ZC3H12B: variants seen among roughly 807,000 people sequenced by gnomAD.
The protein encoded by ZC3H12B is zinc finger CCCH-type containing 12B, also known as probable ribonuclease ZC3H12B.
Under a neutral mutation model 43.9 loss-of-function variants are expected in ZC3H12B, and 7 were observed. That is an observed-to-expected ratio of 0.16 (90% CI 0.09 to 0.30). The LOEUF (loss-of-function observed/expected upper bound fraction) is 0.30. ZC3H12B is among the 10% of genes least tolerant of loss of function. The pLI is 1.00. For synonymous variants in ZC3H12B, 222 were observed against 241.7 expected, an observed-to-expected ratio of 0.92 and a Z score of 0.76; for missense variants, 475 against 670.2, an observed-to-expected ratio of 0.71 and a Z score of 3.22.
the ZC3H12B span, among the ~76,000 whole-genome samples, chrX:65,249,796 A>ATTTTTT: frequency 4.1e-5 from 2 of 48,940 alleles, no homozygotes; most frequent in Non-Finnish European, 7.5e-5. Flanking sequence ...ATTCCTAAGT[A>ATTTTTT]TTTTTTTTTT....
the ZC3H12B span, among the ~76,000 whole-genome samples, chrX:65,316,027 A>T: frequency 8.9e-6 from 1 of 111,857 alleles, no homozygotes; most frequent in Non-Finnish European, 1.9e-5. Context: ...TAATAATATA[A>T]TTGCAAGTAA....
chrX:65,370,168 C>T (rs771740204), intron 2 of ZC3H12B, among the ~76,000 whole-genome samples: 1 of 112,413 alleles, frequency 8.9e-6, no homozygotes, highest in Non-Finnish European at 1.9e-5. Flanking sequence ...TGTTTAGTTA[C>T]AATCTTTAGA....
At chrX:65,217,253 G>A in the ZC3H12B span, among the ~76,000 whole-genome samples, 2 of 112,242 alleles carry the variant, frequency 1.8e-5, no homozygotes, top group Non-Finnish European at 3.8e-5. Flanking sequence ...GGTTCTCCTA[G>A]TGCTGAAATG....
At chrX:65,294,700 AT>A in the ZC3H12B span, among the ~76,000 whole-genome samples, 1 of 111,923 alleles carries the variant, frequency 8.9e-6, no homozygotes, top group Admixed American at 9.5e-5. Context: ...AGGAGTAGCT[AT>A]TTTTATATCA....
chrX:65,452,911 A>G (rs1217757820), intron 3 of ZC3H12B, among the ~76,000 whole-genome samples: 1 of 110,030 alleles, frequency 9.1e-6, no homozygotes, highest in Admixed American at 9.8e-5. Context: ...TCAATATTGT[A>G]AAAATGAACA....
the ZC3H12B span, among the ~76,000 whole-genome samples, chrX:65,147,361 T>C: frequency 5.4e-5 from 6 of 111,435 alleles, no homozygotes; most frequent in Non-Finnish European, 9.4e-5. Flanking sequence ...GAATTGGATC[T>C]TGAGCCTGAA....
the ZC3H12B span, among the ~76,000 whole-genome samples, chrX:65,266,385 G>T: frequency 8.9e-6 from 1 of 111,800 alleles, no homozygotes; most frequent in African/African-American, 3.2e-5. Context: ...CCCTGGCAAA[G>T]CTTTAAAACA....
At chrX:65,289,933 T>G in the ZC3H12B span, among the ~76,000 whole-genome samples, 2 of 110,945 alleles carry the variant, frequency 1.8e-5, no homozygotes, top group Non-Finnish European at 3.8e-5. Flanking sequence ...AAGGGATTTA[T>G]TATCCATCCT....
Position 65,457,612 on chromosome X carries a change from G to A in ZC3H12B, n.408-31034G>A, listed in dbSNP as rs2067648565. On this transcript the variant is annotated intron_variant and non_coding_transcript_variant, in intron 3 of 5. Transcript: ENST00000617377. ...GGGCCATGATGACAATGGCGGTTTT[G>A]TGGAATAGAAAGGCGGGAAGGGTGG... 3.7e-5 allele frequency among the ~76,000 whole-genome samples: 3 copies of A among 80,739 alleles called. No individual in the cohort carries two copies. The Middle Eastern group carries it at 0.016, about 439-fold the overall frequency. 70.1% of individuals were successfully genotyped at this position (80,739 alleles called of 115,157 possible). A position where few individuals can be genotyped will look rare whatever the true frequency, so the allele number is the denominator to read the frequency against.
the ZC3H12B span, among the ~76,000 whole-genome samples, chrX:65,281,231 CTTTTT>C: frequency 1.1e-5 from 1 of 90,367 alleles, no homozygotes. Context: ...TATAGCCAAA[CTTTTT>C]TTTTTTTTTT....
the ZC3H12B span, among the ~76,000 whole-genome samples, chrX:65,153,599 T>A: frequency 1.8e-5 from 2 of 111,828 alleles, no homozygotes; most frequent in African/African-American, 6.5e-5. Context: ...GGAGAGGATG[T>A]GGAGAAATAG....
the ZC3H12B span, among the ~76,000 whole-genome samples, chrX:65,339,501 T>C: frequency 8.9e-6 from 1 of 111,993 alleles, no homozygotes; most frequent in South Asian, 3.7e-4. Context: ...TTGATATTGG[T>C]CCCAGAGTAT....
the ZC3H12B span, among the ~76,000 whole-genome samples, chrX:65,096,642 A>G: frequency 9.0e-6 from 1 of 111,718 alleles, no homozygotes; most frequent in African/African-American, 3.3e-5. Flanking sequence ...AATGGGGCAG[A>G]GAATCATTTT....
chrX:65,432,370 G>A (rs2067172794), intron 3 of ZC3H12B, among the ~76,000 whole-genome samples: 1 of 111,644 alleles, frequency 9.0e-6, no homozygotes, highest in Non-Finnish European at 1.9e-5. Context: ...TGTGGATTAT[G>A]GCAGTGACTT....
intron 3 of ZC3H12B, among the ~76,000 whole-genome samples, chrX:65,446,684 A>G (rs993165935): frequency 2.7e-5 from 3 of 111,410 alleles, no homozygotes; most frequent in South Asian, 3.8e-4. Context: ...CCTCCCTCAA[A>G]CTCAAAGTTT....
chrX:65,140,013 C>A, the ZC3H12B span, among the ~76,000 whole-genome samples: 4 of 110,495 alleles, frequency 3.6e-5, no homozygotes, highest in African/African-American at 6.5e-5. Context: ...GTTTCTCTCT[C>A]TATAAGACCA....
chrX:65,044,104 A>G, the ZC3H12B span, among the ~76,000 whole-genome samples: 1 of 111,959 alleles, frequency 8.9e-6, no homozygotes, highest in South Asian at 3.8e-4. Flanking sequence ...GATAAGAGCT[A>G]TAAGGCTGAT....
At chrX:65,366,278 A>G (rs2066174377), upstream of ZC3H12B, among the ~76,000 whole-genome samples, 1 of 110,941 alleles carries the variant, frequency 9.0e-6, no homozygotes, top group Non-Finnish European at 1.9e-5. Flanking sequence ...CAAGTGGTGG[A>G]AGTAGGCTTA....
chrX:65,086,361 A>G, the ZC3H12B span, among the ~76,000 whole-genome samples: 1 of 111,440 alleles, frequency 9.0e-6, no homozygotes. Flanking sequence ...ATTTCCTTGT[A>G]ACCAATCTTC....
Sources: allele counts gnomAD v4.1 joint callset (sites outside exome capture counted in the v4.1 genomes callset), GRCh38; gene constraint gnomAD v4.1.1; transcripts MANE v1.5; gene names NCBI Gene and HGNC (gene_info 2026-07-23, HGNC 2026-07-21).